PVT1: variants seen among roughly 807,000 people sequenced by gnomAD.
PVT1 encodes CXCR4/PVT1 fusion.
intron 3 of PVT1, among the ~76,000 whole-genome samples, chr8:127,917,328 A>C (rs10106894): frequency 0.028 from 4,279 of 152,316 alleles, 213 homozygotes; most frequent in African/African-American, 0.098. Flanking sequence ...GATCATGAGG[A>C]GGCGATAGAT....
chr8:127,877,862 G>T (rs1458605754), intron 2 of PVT1, among the ~76,000 whole-genome samples: 2 of 152,076 alleles, frequency 1.3e-5, no homozygotes, highest in East Asian at 3.8e-4. Flanking sequence ...GGAGTTTGAG[G>T]CTGCAGTGAG....
At chr8:127,840,943 T>C (rs746520689) in intron 2 of PVT1, among the ~76,000 whole-genome samples, 34 of 152,364 alleles carry the variant, frequency 2.2e-4, no homozygotes, top group Admixed American at 3.3e-4. Flanking sequence ...CTTCCAGTTC[T>C]GTCAGGTTCT....
At chr8:127,857,125 C>T (rs1376006872) in intron 2 of PVT1, among the ~76,000 whole-genome samples, 1 of 152,192 alleles carries the variant, frequency 6.6e-6, no homozygotes, top group East Asian at 1.9e-4. Context: ...ACTCGAGATG[C>T]TGAGGCAGGA....
At chr8:127,802,062 CCCA>C (rs983249702) in intron 2 of PVT1, among the ~76,000 whole-genome samples, 1 of 151,886 alleles carries the variant, frequency 6.6e-6, no homozygotes, top group Admixed American at 6.6e-5. Context: ...ATTACAGGTG[CCCA>C]CCACCACACC....
chr8:128,083,775 G>A (rs1193995818), intron 5 of PVT1, among the ~76,000 whole-genome samples: 1 of 152,202 alleles, frequency 6.6e-6, no homozygotes, highest in African/African-American at 2.4e-5. Flanking sequence ...TATGCAGTGA[G>A]GGTCAAGATC....
chr8:127,932,486 C>T (rs369267996), intron 3 of PVT1: 8 of 398,558 alleles, frequency 2.0e-5, no homozygotes, highest in South Asian at 1.3e-4. Flanking sequence ...TGAGCAGTAA[C>T]GGAAATCAGC....
rs66807418 is a variant in PVT1 at position 128,044,011 on chromosome 8, A to ATTTTTTTTT, written n.913-26146_913-26145insTTTTTTTTT. On this transcript the variant is annotated intron_variant and non_coding_transcript_variant, in intron 4 of 10. Transcript: ENST00000651587. ...CCGGTTAATTTTTTTATTATTATTT[A>ATTTTTTTTT]TTTATTTTTTTTTTTTTTTGTAGAG... Among the ~76,000 whole-genome samples the ATTTTTTTTT allele has an allele frequency of 3.3e-4, 32 of 97,902 alleles. 1 individual carries two copies. The highest frequency in any genetic ancestry group is 8.1e-4 in the African/African-American group (24 of 29,624). The allele number at this position is 97,902 out of a possible 152,430, so 64.2% of individuals were successfully genotyped here. A position where few individuals can be genotyped will look rare whatever the true frequency, so the allele number is the denominator to read the frequency against.
chr8:127,972,137 A>G (rs1470104309), intron 3 of PVT1, among the ~76,000 whole-genome samples: 1 of 152,238 alleles, frequency 6.6e-6, no homozygotes, highest in Non-Finnish European at 1.5e-5. Context: ...TTGGGATGGC[A>G]GCAGCAAGAC....
intron 2 of PVT1, among the ~76,000 whole-genome samples, chr8:127,869,728 C>G (rs2129767532): frequency 6.6e-6 from 1 of 152,174 alleles, no homozygotes; most frequent in East Asian, 1.9e-4. Context: ...ATAATTGTAC[C>G]AGATTGAGTA....
chr8:127,876,876 A>T (rs1265984893), intron 2 of PVT1, among the ~76,000 whole-genome samples: 1 of 152,234 alleles, frequency 6.6e-6, no homozygotes, highest in Non-Finnish European at 1.5e-5. Flanking sequence ...ATCCTTGGGC[A>T]AGCTAGATGG....
At chr8:128,003,368 T>C (rs561192371) in intron 4 of PVT1, among the ~76,000 whole-genome samples, 1 of 151,196 alleles carries the variant, frequency 6.6e-6, no homozygotes, top group East Asian at 2.0e-4. Context: ...CTTCTCCTTT[T>C]TCTTCTTCTC....
chr8:127,924,951 A>G (rs896934324), intron 3 of PVT1, among the ~76,000 whole-genome samples: 1 of 152,090 alleles, frequency 6.6e-6, no homozygotes, highest in African/African-American at 2.4e-5. Context: ...CTCGGCCAAC[A>G]CAATTGTTCT....
At chr8:127,843,691 C>G (rs1052237139) in intron 2 of PVT1, among the ~76,000 whole-genome samples, 1 of 151,678 alleles carries the variant, frequency 6.6e-6, no homozygotes, top group Non-Finnish European at 1.5e-5. Context: ...GTGATCCACC[C>G]TCTCCGGCCT....
chr8:127,903,063 A>G (rs1220652615), intron 3 of PVT1, among the ~76,000 whole-genome samples: 1 of 152,174 alleles, frequency 6.6e-6, no homozygotes, highest in African/African-American at 2.4e-5. Flanking sequence ...ACAGTGTGTC[A>G]GTGTCTCCTT....
intron 4 of PVT1, among the ~76,000 whole-genome samples, chr8:127,992,031 G>T (rs1036201364): frequency 1.3e-5 from 2 of 151,498 alleles, no homozygotes; most frequent in African/African-American, 4.9e-5. Context: ...TTTGACTCTG[G>T]GCAAGTCTTT....
chr8:128,016,288 A>C (rs1817373192), intron 4 of PVT1, among the ~76,000 whole-genome samples: 1 of 151,796 alleles, frequency 6.6e-6, no homozygotes, highest in African/African-American at 2.4e-5. Context: ...AAAAAAAAAA[A>C]AGGGGGCGAG....
At chr8:127,963,958 T>C (rs1816675427) in intron 3 of PVT1, among the ~76,000 whole-genome samples, 1 of 152,254 alleles carries the variant, frequency 6.6e-6, no homozygotes, top group African/African-American at 2.4e-5. Context: ...ATTCGTCCAG[T>C]AACGTTTGTC....
chr8:127,958,876 A>T (rs746750846), intron 3 of PVT1, among the ~76,000 whole-genome samples: 7 of 152,196 alleles, frequency 4.6e-5, no homozygotes, highest in Admixed American at 1.3e-4. Flanking sequence ...AGCACATGTC[A>T]TATTTGAACT....
At chr8:127,924,879 C>T (rs1044059835) in intron 3 of PVT1, among the ~76,000 whole-genome samples, 7 of 151,754 alleles carry the variant, frequency 4.6e-5, no homozygotes, top group African/African-American at 1.7e-4. Context: ...AACTCCTGGC[C>T]TTAAGCGATC....
Sources: allele counts gnomAD v4.1 joint callset (sites outside exome capture counted in the v4.1 genomes callset), GRCh38; gene constraint gnomAD v4.1.1; transcripts MANE v1.5; gene names NCBI Gene and HGNC (gene_info 2026-07-23, HGNC 2026-07-21).